The following POLI variants were observed in gnomAD, a reference collection of about 807,000 sequenced individuals.
The protein encoded by POLI is DNA polymerase iota, also known as RAD30 homolog B.
POLI carries 58 observed loss-of-function variants against 51.6 expected under a neutral mutation model. That is an observed-to-expected ratio of 1.12 (90% CI 0.91 to 1.40). The LOEUF is 1.40. Among genes scored for constraint, POLI ranks in the 40% most tolerant of loss-of-function variants. The pLI is 0.00. For missense variants in POLI, 921 were observed against 871.3 expected, an observed-to-expected ratio of 1.06 and a Z score of -0.72; for synonymous variants, 322 against 299.7, an observed-to-expected ratio of 1.07 and a Z score of -0.77.
chr18:54,318,974 T>A (rs985486684), intron 3 of POLI, among the ~76,000 whole-genome samples: 4 of 152,166 alleles, frequency 2.6e-5, no homozygotes, highest in Non-Finnish European at 5.9e-5. Context: ...TTCTGGCTAA[T>A]GAGATGTAAG....
At chr18:54,279,245 T>TC (rs1319801645) in intron 4 of POLI, among the ~76,000 whole-genome samples, 6 of 145,230 alleles carry the variant, frequency 4.1e-5, no homozygotes, top group Admixed American at 3.4e-4. Context: ...TCTTTTCTTT[T>TC]TTTTTTTTTT....
chr18:54,287,727 A>G (rs1454960851), intron 8 of POLI: 1 of 187,630 alleles, frequency 5.3e-6, no homozygotes, highest in Non-Finnish European at 1.1e-5. Context: ...CAGTAGGTGC[A>G]TGCTACCAGA....
intron 7 of POLI, among the ~76,000 whole-genome samples, chr18:54,285,321 G>C (rs1213080712): frequency 6.6e-6 from 1 of 152,126 alleles, no homozygotes. Context: ...AGAAGTATAA[G>C]TTTTACAGGT....
intron 6 of POLI, chr18:54,283,693 CTG>C (rs538647618): frequency 1.1e-3 from 286 of 253,094 alleles, no homozygotes; most frequent in African/African-American, 5.4e-3. Flanking sequence ...TTTATATTAA[CTG>C]TTTTATATTA....
At chr18:54,270,128 G>C (rs1255521032) in intron 1 of POLI, 2 of 706,960 alleles carry the variant, frequency 2.8e-6, no homozygotes, top group Non-Finnish European at 3.5e-6. Flanking sequence ...CCCACTTCCA[G>C]CTCTGGTCTT....
intron 7 of POLI, chr18:54,284,849 T>C (rs985963564): frequency 3.9e-5 from 6 of 152,212 alleles, no homozygotes; most frequent in African/African-American, 1.4e-4. Context: ...CTCCTTGTCA[T>C]TATACATGTA....
intron 9 of POLI, 36 bp from the exon 10 acceptor site, chr18:54,293,613 A>C (rs370994338): frequency 7.3e-7 from 1 of 1,365,484 alleles, no homozygotes; most frequent in Non-Finnish European, 9.9e-7. Flanking sequence ...AAAAGATATC[A>C]GATATGTAAA....
intron 2 of POLI, 113 bp downstream of exon 2, chr18:54,271,598 T>C: frequency 1.4e-6 from 1 of 713,064 alleles, no homozygotes. Context: ...GAAGCAGTTC[T>C]TACAGTGCTT....
rs768581665 is a variant in POLI, at chr18:54,293,938, C to T, written c.1694C>T (p.Ser565Phe). The T allele has an allele frequency of 3.7e-6, 6 of 1,612,504 alleles. No individual in the cohort carries two copies. The East Asian group carries it at 1.1e-4, about 30-fold the overall frequency. Residue 565 changes from serine (S) to phenylalanine (F), a missense_variant, in exon 10 of 10, where the codon TCT (serine) becomes TTT (phenylalanine). Ser to Phe is a radical substitution (Grantham distance 155). Coordinates refer to ENST00000579534, the MANE Select transcript of POLI (RefSeq NM_007195.3). ...KGSVSCPLHA[S>F]RGVLSFFSKK... ...AGTGTGAGTTGTCCATTACATGCCT[C>T]TAGAGGAGTATTATCTTTCTTTTCT...
At position 54,293,978 on chromosome 18, in the gene POLI, A is replaced by G. The variant is rs764602464; in HGVS notation, c.1734A>G (p.Gln578=). Residue 578 remains glutamine, a synonymous_variant, in exon 10 of 10, where the codon CAA becomes CAG. Transcript: ENST00000579534. The part of the protein sequence containing the change: ...VLSFFSKKQM[Q]DIPINPRDHL... The stretch of plus-strand genomic sequence containing the variant: ...CTTTCTTTTCTAAAAAACAAATGCA[A>G]GATATTCCCATAAATCCTAGAGATC... The G allele has an allele frequency of 5.6e-6, 9 of 1,613,100 alleles. No homozygotes were observed. Among genetic ancestry groups the G allele is most frequent in the Admixed American group, 5.0e-5 (3 of 59,910 alleles).
chr18:54,300,065 A>G (rs1001857328), downstream of POLI, among the ~76,000 whole-genome samples: 1 of 152,118 alleles, frequency 6.6e-6, no homozygotes, highest in Non-Finnish European at 1.5e-5. Flanking sequence ...GTAGACCTAC[A>G]TTACCCATAA....
Position 54,269,556 on chromosome 18 carries a change from C to T in POLI, c.10C>T (p.Leu4=), listed in dbSNP as rs1161996566. Residue 4 remains leucine, a synonymous_variant, in exon 1 of 10, where the codon CTG becomes TTG. Coordinates refer to ENST00000579534, the MANE Select transcript of POLI (RefSeq NM_007195.3). MEK[L]GVEPEEEGGG... is the part of the protein sequence containing the mutation. ...GGTTGGCAGCGGCGGGATGGAGAAG[C>T]TGGGGGTGGAGCCGGAGGAGGAAGG... is the stretch of plus-strand genomic sequence containing the variant. 1.3e-6 allele frequency: 2 copies of T among 1,507,422 alleles called. No individual in the cohort carries two copies. Among genetic ancestry groups the T allele is most frequent in the Admixed American group, 2.4e-5 (1 of 42,476 alleles). The allele number at this position is 1,507,422 out of a possible 1,614,324, so 93.4% of individuals were successfully genotyped here.
At chr18:54,312,311 C>T (rs983045160) in intron 3 of POLI, among the ~76,000 whole-genome samples, 11 of 152,130 alleles carry the variant, frequency 7.2e-5, no homozygotes, top group African/African-American at 2.7e-4. Flanking sequence ...GTGTAGTATT[C>T]CATGGTGTAT....
chr18:54,273,484 G>C (rs2087100152), intron 2 of POLI, among the ~76,000 whole-genome samples: 1 of 148,050 alleles, frequency 6.8e-6, no homozygotes, highest in Non-Finnish European at 1.5e-5. Context: ...GATTTGATTT[G>C]TATCTTATCA....
At chr18:54,290,252 A>C (rs1431046947) in intron 8 of POLI, among the ~76,000 whole-genome samples, 1 of 152,268 alleles carries the variant, frequency 6.6e-6, no homozygotes, top group Admixed American at 6.5e-5. Context: ...TGGTCATTAG[A>C]GAAATACAAA....
intron 1 of POLI, chr18:54,270,620 G>C (rs2086963107): frequency 6.6e-6 from 1 of 151,976 alleles, no homozygotes; most frequent in Admixed American, 6.5e-5. Flanking sequence ...CAGTTTTTCT[G>C]CTAACGTTCA....
At chr18:54,316,728 A>C (rs1023576925) in intron 3 of POLI, among the ~76,000 whole-genome samples, 3 of 152,220 alleles carry the variant, frequency 2.0e-5, no homozygotes, top group Non-Finnish European at 4.4e-5. Flanking sequence ...TGCTTTAAGA[A>C]GTTCTTATGA....
chr18:54,287,508 C>G (rs3730774), intron 8 of POLI, 97 bp downstream of exon 8: 6 of 818,364 alleles, frequency 7.3e-6, no homozygotes, highest in Non-Finnish European at 1.0e-5. Context: ...AGGGTCTTCA[C>G]AGGGAATTAG....
In POLI at chr18:54,297,954, T is replaced by C; in HGVS notation, c.*3487T>C. Reference sequence around the variant, plus strand: ...GAAATTATGTCCTTAGAGCTGTAGATTTAGAACTGACATCTCTTGAGCTGT... The same window carrying C: ...GAAATTATGTCCTTAGAGCTGTAGACTTAGAACTGACATCTCTTGAGCTGT... On this transcript the variant is annotated 3_prime_UTR_variant, in exon 10 of 10. Coordinates refer to ENST00000579534, the MANE Select transcript of POLI (RefSeq NM_007195.3). 1.0e-6 allele frequency: 1 copy of C among 982,392 alleles called. No homozygotes were observed. The highest frequency in any genetic ancestry group is 1.2e-6 in the Non-Finnish European group (1 of 827,170). 60.9% of individuals were successfully genotyped at this position (982,392 alleles called of 1,614,324 possible). A position where few individuals can be genotyped will look rare whatever the true frequency, so the allele number is the denominator to read the frequency against.
Sources: gnomAD v4.1 joint callset for allele counts (sites outside exome capture counted in the v4.1 genomes callset) on GRCh38, gnomAD v4.1.1 for gene constraint, MANE v1.5 for transcripts, NCBI Gene and HGNC (gene_info 2026-07-23, HGNC 2026-07-21) for gene names.